The following LSAMP variants were observed in gnomAD, a reference collection of about 807,000 sequenced individuals.
LSAMP encodes limbic system associated membrane protein, also known as limbic system-associated membrane protein.
In LSAMP, 7 loss-of-function variants were observed where a neutral mutation model predicts 38.6. The observed-to-expected ratio is 0.18, with a 90% confidence interval of 0.10 to 0.34. The LOEUF is 0.34. Among genes scored for constraint, LSAMP ranks in the 10% least tolerant of loss-of-function variants. LSAMP has a pLI of 1.00. For synonymous variants in LSAMP, 154 were observed against 166.8 expected, an observed-to-expected ratio of 0.92 and a Z score of 0.59; for missense variants, 313 against 420.0, an observed-to-expected ratio of 0.75 and a Z score of 2.23.
At chr3:116,185,983 T>C (rs1213422523) in intron 1 of LSAMP, among the ~76,000 whole-genome samples, 1 of 151,510 alleles carries the variant, frequency 6.6e-6, no homozygotes, top group Admixed American at 6.6e-5. Context: ...GCATGAAATG[T>C]CTACCCCTTT....
intron 1 of LSAMP, among the ~76,000 whole-genome samples, chr3:116,261,031 A>G (rs2046819688): frequency 6.6e-6 from 1 of 152,190 alleles, no homozygotes; most frequent in South Asian, 2.1e-4. Context: ...TATATTTTGC[A>G]AAGTGTAATT....
intron 1 of LSAMP, among the ~76,000 whole-genome samples, chr3:116,130,888 C>T (rs1341202202): frequency 6.6e-6 from 1 of 151,910 alleles, no homozygotes; most frequent in Non-Finnish European, 1.5e-5. Flanking sequence ...AATTCTTCCA[C>T]TTCTCTCACT....
At chr3:116,370,279 AT>A (rs2048413198) in intron 1 of LSAMP, among the ~76,000 whole-genome samples, 1 of 152,206 alleles carries the variant, frequency 6.6e-6, no homozygotes, top group Admixed American at 6.5e-5. Context: ...GTAATTAAGA[AT>A]TCAACAAGAA....
intron 1 of LSAMP, among the ~76,000 whole-genome samples, chr3:116,354,744 AT>A (rs1247769295): frequency 2.0e-5 from 3 of 152,182 alleles, no homozygotes; most frequent in Admixed American, 6.5e-5. Context: ...ACACTGGGGT[AT>A]CATCAATGGT....
chr3:115,922,470 CATT>C (rs1486865705), intron 3 of LSAMP, among the ~76,000 whole-genome samples: 1 of 152,014 alleles, frequency 6.6e-6, no homozygotes, highest in East Asian at 1.9e-4. Flanking sequence ...TTTTGTTCAT[CATT>C]ATTATTTTGA....
At chr3:116,120,825 T>C (rs1708857245) in intron 1 of LSAMP, among the ~76,000 whole-genome samples, 1 of 152,222 alleles carries the variant, frequency 6.6e-6, no homozygotes, top group African/African-American at 2.4e-5. Context: ...AAGCTCTTCA[T>C]AAACCCTGAG....
intron 1 of LSAMP, among the ~76,000 whole-genome samples, chr3:116,422,085 CTATT>C (rs1357821220): frequency 6.6e-6 from 1 of 152,160 alleles, no homozygotes. Flanking sequence ...CAATGGAATA[CTATT>C]TAGTCATTAA....
At chr3:116,032,910 A>T (rs1940961035) in intron 2 of LSAMP, among the ~76,000 whole-genome samples, 2 of 152,180 alleles carry the variant, frequency 1.3e-5, no homozygotes, top group Non-Finnish European at 2.9e-5. Context: ...ACAACTAGAG[A>T]TAAGAAAGTC....
chr3:116,280,064 TGA>T (rs2107680785), intron 1 of LSAMP, among the ~76,000 whole-genome samples: 1 of 152,348 alleles, frequency 6.6e-6, no homozygotes, highest in South Asian at 2.1e-4. Flanking sequence ...CTTTAATTAC[TGA>T]TGATGCTTGT....
rs1025007023 is a variant in LSAMP at position 116,125,147 on chromosome 3, T to C, written c.156-38591A>G. On this transcript the variant is annotated intron_variant, in intron 1 of 6. Coordinates refer to ENST00000490035, the MANE Select transcript of LSAMP (RefSeq NM_002338.5). ...TGAAAGTAGAGAATGGCTTCTCTTA[T>C]AGGGAACAAGACAGTGACAAATTCA... is the stretch of plus-strand genomic sequence containing the variant. Among the ~76,000 whole-genome samples the C allele has an allele frequency of 2.6e-5, 4 of 152,196 alleles. No individual in the cohort carries two copies. In the East Asian group the frequency reaches 5.8e-4, roughly 22 times the overall value.
intron 1 of LSAMP, among the ~76,000 whole-genome samples, chr3:116,202,032 C>A (rs978652447): frequency 6.6e-6 from 1 of 152,114 alleles, no homozygotes; most frequent in East Asian, 1.9e-4. Flanking sequence ...ATTCTCTGAC[C>A]CTTATGATTC....
intron 1 of LSAMP, among the ~76,000 whole-genome samples, chr3:116,404,271 T>C (rs562493249): frequency 2.6e-5 from 4 of 152,280 alleles, no homozygotes; most frequent in East Asian, 1.9e-4. Context: ...TAAGGATCTA[T>C]TTATTATGAT....
At chr3:115,955,818 A>C (rs550038022) in intron 3 of LSAMP, among the ~76,000 whole-genome samples, 105 of 152,324 alleles carry the variant, frequency 6.9e-4, no homozygotes, top group African/African-American at 2.5e-3. Context: ...GCCTCCAACA[A>C]AAATCTCTAA....
chr3:115,973,799 C>T (rs1939096492), intron 3 of LSAMP, among the ~76,000 whole-genome samples: 1 of 152,038 alleles, frequency 6.6e-6, no homozygotes. Flanking sequence ...TAATTTTATG[C>T]AATATTTTAA....
chr3:115,842,072 C>G, intron 5 of LSAMP, 79 bp from the exon 6 acceptor site: 2 of 1,433,990 alleles, frequency 1.4e-6, no homozygotes, highest in Non-Finnish European at 1.9e-6. Context: ...CATCCTGACA[C>G]TGGAGGAAAA....
At chr3:116,132,101 T>C (rs1446338391) in intron 1 of LSAMP, among the ~76,000 whole-genome samples, 1 of 152,148 alleles carries the variant, frequency 6.6e-6, no homozygotes. Context: ...GTGCTGGGAT[T>C]ATGGGCATGA....
intron 1 of LSAMP, among the ~76,000 whole-genome samples, chr3:116,106,859 C>G (rs558974630): frequency 6.6e-6 from 1 of 151,804 alleles, no homozygotes; most frequent in African/African-American, 2.4e-5. Context: ...GGCAAATCCT[C>G]GAGCTTGATG....
intron 3 of LSAMP, among the ~76,000 whole-genome samples, chr3:115,988,072 C>T (rs1939564160): frequency 6.6e-6 from 1 of 152,148 alleles, no homozygotes; most frequent in African/African-American, 2.4e-5. Context: ...CCCATCTCCT[C>T]TGCAAAGATG....
chr3:116,145,573 T>C (rs1347234571), intron 1 of LSAMP, among the ~76,000 whole-genome samples: 2 of 151,950 alleles, frequency 1.3e-5, no homozygotes, highest in African/African-American at 4.8e-5. Context: ...CAAAGTCTAC[T>C]GATTTAAATG....
Sources: gnomAD v4.1 joint callset for allele counts (sites outside exome capture counted in the v4.1 genomes callset) on GRCh38, gnomAD v4.1.1 for gene constraint, MANE v1.5 for transcripts, NCBI Gene and HGNC (gene_info 2026-07-23, HGNC 2026-07-21) for gene names.